The following TNNI3K variants were observed in gnomAD, a reference collection of about 807,000 sequenced individuals.
The protein encoded by TNNI3K is serine/threonine-protein kinase TNNI3K.
A neutral mutation model predicts 114.5 loss-of-function variants in TNNI3K; 140 were observed. The ratio of observed to expected loss-of-function variants is 1.22; its 90% CI spans 1.07 to 1.41. The LOEUF is 1.41. Ranked by LOEUF, TNNI3K falls within the 40% of genes most tolerant of loss-of-function variation. TNNI3K has a pLI of 0.00. For missense variants in TNNI3K, 1,125 were observed against 1,007.6 expected, an observed-to-expected ratio of 1.12 and a Z score of -1.58; for synonymous variants, 347 against 347.5, an observed-to-expected ratio of 1.00 and a Z score of 0.02.
chr1:74,392,874 C>A (rs1294021001), intron 17 of TNNI3K, among the ~76,000 whole-genome samples: 1 of 152,170 alleles, frequency 6.6e-6, no homozygotes, highest in Non-Finnish European at 1.5e-5. Flanking sequence ...AATTAAGGTT[C>A]AGGCAGTATC....
chr1:74,252,115 T>C lies in TNNI3K; in HGVS notation c.333+1346T>C, dbSNP rs533871709. Among the ~76,000 whole-genome samples, 5 of 152,164 alleles carry C rather than the reference T, an allele frequency of 3.3e-5. No individual in the cohort carries two copies. The South Asian group carries it at 1.0e-3, about 32-fold the overall frequency. On this transcript the variant is annotated intron_variant, in intron 4 of 24. Coordinates refer to ENST00000326637, the MANE Select transcript of TNNI3K (RefSeq NM_015978.3). The stretch of plus-strand genomic sequence containing the variant: ...ATTCTGAACCTCACCGTCTGGGAGA[T>C]TTTTTCTGTATTAGTTCATTTTGCA...
At position 74,460,099 on chromosome 1, in the gene TNNI3K, G is replaced by A. The variant is rs201347980; in HGVS notation, c.2012-3342G>A. 5.7e-4 allele frequency among the ~76,000 whole-genome samples: 84 copies of A among 148,492 alleles called. No homozygotes were observed. In the East Asian group the frequency reaches 0.016, roughly 28 times the overall value. ...TATAACTTTTTTTTTTTTTTGAGACGGAGTCTTGCTCTGTCGCCCAGGCTG... is the reference window on the plus strand; with the variant it reads ...TATAACTTTTTTTTTTTTTTGAGACAGAGTCTTGCTCTGTCGCCCAGGCTG... On this transcript the variant is annotated intron_variant, in intron 20 of 24. Transcript: ENST00000326637.
At chr1:74,263,781 C>T (rs947739172) in intron 4 of TNNI3K, among the ~76,000 whole-genome samples, 7 of 151,954 alleles carry the variant, frequency 4.6e-5, no homozygotes, top group Non-Finnish European at 1.5e-5. Flanking sequence ...TTTTTAAACT[C>T]TTGCTCCTTA....
intron 23 of TNNI3K, among the ~76,000 whole-genome samples, chr1:74,515,466 A>G (rs890316033): frequency 6.6e-6 from 1 of 152,208 alleles, no homozygotes; most frequent in Admixed American, 6.5e-5. Flanking sequence ...ATGCCAATAC[A>G]TATAGAAATG....
intron 24 of TNNI3K, chr1:74,541,447 C>T (rs1002265590): frequency 1.3e-5 from 2 of 152,178 alleles, no homozygotes; most frequent in African/African-American, 4.8e-5. Flanking sequence ...AGTCCAGTAA[C>T]AGATCCTTTT....
intron 17 of TNNI3K, among the ~76,000 whole-genome samples, chr1:74,411,559 AC>A (rs1321314176): frequency 6.6e-6 from 1 of 151,578 alleles, no homozygotes; most frequent in Non-Finnish European, 1.5e-5. Context: ...GGCCTTAAAG[AC>A]CCCTGACTGC....
rs1669957686 is a variant in TNNI3K, at chr1:74,507,300, T to G, written c.2351+15034T>G. Among the ~76,000 whole-genome samples the G allele has an allele frequency of 2.7e-5, 4 of 146,814 alleles. No individual in the cohort carries two copies. The Admixed American group carries it at 2.8e-4, about 10-fold the overall frequency. On this transcript the variant is annotated intron_variant, in intron 23 of 24. Transcript: ENST00000326637. Reference sequence around the variant, plus strand: ...CAAGTTCAATCCCAATGTCTCCTCCTGTAGGAAGTTGTCCTAAATACCCTC... The same window carrying G: ...CAAGTTCAATCCCAATGTCTCCTCCGGTAGGAAGTTGTCCTAAATACCCTC...
At position 74,465,237 on chromosome 1, in the gene TNNI3K, C is replaced by T. The variant is rs1422439603; in HGVS notation, c.2121+1687C>T. On this transcript the variant is annotated intron_variant, in intron 21 of 24. Coordinates refer to ENST00000326637, the MANE Select transcript of TNNI3K (RefSeq NM_015978.3). ...CGTGGGAACCCCTCTCTGGGCTGGC[C>T]GAGGCCGGAGCCCACTCCCTCAGCT... Among the ~76,000 whole-genome samples, 6 of 152,226 alleles carry T rather than the reference C, an allele frequency of 3.9e-5. No homozygotes were observed. In the South Asian group the frequency reaches 8.3e-4, roughly 21 times the overall value.
chr1:74,353,235 A>G (rs1211683248), intron 9 of TNNI3K, 31 bp from the exon 10 acceptor site: 8 of 1,601,896 alleles, frequency 5.0e-6, no homozygotes, highest in South Asian at 3.4e-5. Context: ...AGGACCTTCT[A>G]TCTTTCTTGT....
At chr1:74,245,548 A>T (rs1403224299) in intron 2 of TNNI3K, among the ~76,000 whole-genome samples, 1 of 152,188 alleles carries the variant, frequency 6.6e-6, no homozygotes, top group African/African-American at 2.4e-5. Context: ...CTTTAGAGAG[A>T]TAGCATAGTA....
chr1:74,396,758 CA>C (rs1209850742), intron 17 of TNNI3K, among the ~76,000 whole-genome samples: 2 of 152,096 alleles, frequency 1.3e-5, no homozygotes, highest in African/African-American at 4.8e-5. Flanking sequence ...CAGAATGTCC[CA>C]AAAGCATTTG....
At chr1:74,451,683 T>TTTTCTTTC (rs1158598409) in intron 20 of TNNI3K, among the ~76,000 whole-genome samples, 7 of 76,282 alleles carry the variant, frequency 9.2e-5, no homozygotes, top group Non-Finnish European at 1.7e-4. Flanking sequence ...TTTTCTTTTC[T>TTTTCTTTC]TTTCTTTCTT....
intron 21 of TNNI3K, chr1:74,469,442 GA>G (rs1193327591): frequency 6.5e-6 from 1 of 152,862 alleles, no homozygotes; most frequent in Admixed American, 6.6e-5. Context: ...ACACAAATAT[GA>G]ATATATAATT....
intron 5 of TNNI3K, among the ~76,000 whole-genome samples, chr1:74,275,550 AG>A (rs1459125752): frequency 6.6e-6 from 1 of 151,998 alleles, no homozygotes; most frequent in African/African-American, 2.4e-5. Context: ...GAGTTATGAG[AG>A]GGGATTTAAA....
chr1:74,501,323 C>T (rs1216548126), intron 23 of TNNI3K, among the ~76,000 whole-genome samples: 2 of 152,106 alleles, frequency 1.3e-5, no homozygotes, highest in Non-Finnish European at 2.9e-5. Context: ...CTAGAAGTTG[C>T]ATGTCATTTA....
rs551535876 is a variant in TNNI3K, at chr1:74,436,215, AACACTGAACACTGACAGCTATACT to A, written c.1825+105_1825+128del. ...TGCCTGATATTGTACCATGAAACTGAACACTGAACACTGACAGCTATACTACACTGAACACTGACAGCTATCCTA... is the reference window on the plus strand; with the variant it reads ...TGCCTGATATTGTACCATGAAACTGAACACTGAACACTGACAGCTATCCTA... On this transcript the variant is annotated intron_variant, in intron 18 of 24. Transcript: ENST00000326637. 308 of 1,526,148 alleles carry A rather than the reference AACACTGAACACTGACAGCTATACT, an allele frequency of 2.0e-4. 5 individuals are homozygous for A. In the South Asian group the frequency reaches 3.4e-3, roughly 17 times the overall value. 94.5% of individuals were successfully genotyped at this position (1,526,148 alleles called of 1,614,324 possible).
intron 23 of TNNI3K, among the ~76,000 whole-genome samples, chr1:74,503,283 A>G (rs1280908737): frequency 2.0e-5 from 3 of 152,232 alleles, no homozygotes; most frequent in Non-Finnish European, 4.4e-5. Flanking sequence ...AATTCTACTT[A>G]GAAATAATTT....
chr1:74,313,550 T>G (rs747067606), intron 5 of TNNI3K, among the ~76,000 whole-genome samples: 4 of 152,180 alleles, frequency 2.6e-5, no homozygotes, highest in Non-Finnish European at 5.9e-5. Flanking sequence ...TCACTAAGGT[T>G]TAGCAGATTG....
chr1:74,341,344 T>C (rs903958646), intron 7 of TNNI3K, among the ~76,000 whole-genome samples: 2 of 152,154 alleles, frequency 1.3e-5, no homozygotes, highest in African/African-American at 4.8e-5. Context: ...ATTTATTAAA[T>C]GTCTAGTATG....
Sources: gnomAD v4.1 joint callset for allele counts (sites outside exome capture counted in the v4.1 genomes callset) on GRCh38, gnomAD v4.1.1 for gene constraint, MANE v1.5 for transcripts, NCBI Gene and HGNC (gene_info 2026-07-23, HGNC 2026-07-21) for gene names.